PRKCH: variants seen among roughly 807,000 people sequenced by gnomAD.
The protein encoded by PRKCH is protein kinase C eta type.
PRKCH carries 28 observed loss-of-function variants against 82.5 expected under a neutral mutation model. That is an observed-to-expected ratio of 0.34 (90% confidence interval 0.25 to 0.47). The LOEUF (loss-of-function observed/expected upper bound fraction) is 0.47, where lower values mean the gene tolerates loss of function less well. Ranked by LOEUF, PRKCH falls within the 20% of genes least tolerant of loss-of-function variation. The pLI, the probability that PRKCH is intolerant of heterozygous loss-of-function variation, is 1.00. For missense variants in PRKCH, 705 were observed against 881.8 expected, an observed-to-expected ratio of 0.80 and a Z score of 2.54; for synonymous variants, 322 against 327.4, an observed-to-expected ratio of 0.98 and a Z score of 0.18.
rs564330059 is a variant in PRKCH, at chr14:61,295,324, T to G, written c.-19+107656T>G. Among the ~76,000 whole-genome samples, 14 of 152,326 alleles carry G rather than the reference T, an allele frequency of 9.2e-5. No homozygotes were observed. In the East Asian group the frequency reaches 2.7e-3, roughly 29 times the overall value. On this transcript the variant is annotated intron_variant, in intron 1 of 3. Coordinates refer to the PRKCH transcript ENST00000555185. ...AACTTCCAGGTCTGAAAGACTGGTT[T>G]CAGATTGCCATGTTGCACAGAATTA...
chr14:61,512,486 T>C (rs1887423321), intron 10 of PRKCH, among the ~76,000 whole-genome samples: 1 of 152,172 alleles, frequency 6.6e-6, no homozygotes, highest in African/African-American at 2.4e-5. Context: ...TTCCATATGA[T>C]GGGAATTGCA....
upstream of PRKCH, among the ~76,000 whole-genome samples, chr14:61,321,046 C>T (rs2045612631): frequency 6.6e-6 from 1 of 152,236 alleles, no homozygotes; most frequent in Non-Finnish European, 1.5e-5. The surrounding 1 kb of genome is among the most constrained non-coding windows in gnomAD (Gnocchi z 4.1). Flanking sequence ...CCTATTAAAA[C>T]ACACACATAC....
At chr14:61,409,107 G>T (rs1882119770) in intron 2 of PRKCH, among the ~76,000 whole-genome samples, 1 of 152,132 alleles carries the variant, frequency 6.6e-6, no homozygotes, top group Non-Finnish European at 1.5e-5. Context: ...CTGCTTGAGG[G>T]TCCAGCTAAT....
At chr14:61,359,185 C>T (rs1261993254) in intron 1 of PRKCH, among the ~76,000 whole-genome samples, 4 of 152,180 alleles carry the variant, frequency 2.6e-5, no homozygotes, top group Non-Finnish European at 5.9e-5. Flanking sequence ...AACCAGTAGA[C>T]CTCTGGATGA....
At chr14:61,479,013 A>C (rs1885850258) in intron 9 of PRKCH, among the ~76,000 whole-genome samples, 1 of 152,236 alleles carries the variant, frequency 6.6e-6, no homozygotes, top group South Asian at 2.1e-4. Flanking sequence ...CATGCAACCC[A>C]AGGGCAGGAG....
chr14:61,214,672 C>T (rs2044604892), intron 1 of PRKCH, among the ~76,000 whole-genome samples: 1 of 152,116 alleles, frequency 6.6e-6, no homozygotes, highest in South Asian at 2.1e-4. Flanking sequence ...CACCCTTCCC[C>T]ATCTGACCCC....
chr14:61,285,077 A>ATT (rs942110673), intron 1 of PRKCH, among the ~76,000 whole-genome samples: 1 of 152,160 alleles, frequency 6.6e-6, no homozygotes, highest in Non-Finnish European at 1.5e-5. Context: ...TCTTTTCTGC[A>ATT]TATAACCCTT....
intron 12 of PRKCH, among the ~76,000 whole-genome samples, chr14:61,538,451 C>T (rs2043141177): frequency 6.6e-6 from 1 of 152,220 alleles, no homozygotes; most frequent in African/African-American, 2.4e-5. Flanking sequence ...TATAATTTTA[C>T]TAAAGTTCTT....
chr14:61,213,767 G>A (rs986262315), intron 1 of PRKCH, among the ~76,000 whole-genome samples: 7 of 152,132 alleles, frequency 4.6e-5, no homozygotes, highest in African/African-American at 1.7e-4. Context: ...CTGGGTCTAT[G>A]GCAAATGAAT....
At chr14:61,325,746 A>C (rs1430463473) in intron 1 of PRKCH, among the ~76,000 whole-genome samples, 1 of 152,220 alleles carries the variant, frequency 6.6e-6, no homozygotes, top group Non-Finnish European at 1.5e-5. Flanking sequence ...AAGAACTCTA[A>C]CAGCACAATA....
chr14:61,264,466 G>T (rs2045078776), intron 1 of PRKCH, among the ~76,000 whole-genome samples: 1 of 152,196 alleles, frequency 6.6e-6, no homozygotes. Flanking sequence ...GCCACTTTCA[G>T]CAATTTCTCA....
intron 1 of PRKCH, among the ~76,000 whole-genome samples, chr14:61,297,459 C>G (rs2045414675): frequency 6.6e-6 from 1 of 152,150 alleles, no homozygotes; most frequent in Non-Finnish European, 1.5e-5. Flanking sequence ...TGCTGATTTT[C>G]TAAGAATGTT....
intron 2 of PRKCH, among the ~76,000 whole-genome samples, chr14:61,399,973 A>G (rs959769518): frequency 6.6e-6 from 1 of 152,218 alleles, no homozygotes; most frequent in African/African-American, 2.4e-5. Context: ...CTTGGAAAAG[A>G]TATACATTTG....
At chr14:61,482,322 G>T (rs968922904) in intron 9 of PRKCH, among the ~76,000 whole-genome samples, 2 of 152,160 alleles carry the variant, frequency 1.3e-5, no homozygotes, top group African/African-American at 4.8e-5. Flanking sequence ...AAACACTAGA[G>T]ATTTTTTGTC....
intron 1 of PRKCH, among the ~76,000 whole-genome samples, chr14:61,389,764 GA>G (rs1313198129): frequency 6.6e-6 from 1 of 152,028 alleles, no homozygotes; most frequent in African/African-American, 2.4e-5. Flanking sequence ...TTGGAAGAGT[GA>G]GGCTCAGTGT....
chr14:61,513,707 G>A (rs2042780626), intron 10 of PRKCH, among the ~76,000 whole-genome samples: 2 of 152,102 alleles, frequency 1.3e-5, no homozygotes, highest in South Asian at 4.1e-4. Context: ...ATATTGTCAT[G>A]TAGTATGACA....
In PRKCH at chr14:61,395,356, C is replaced by G. The variant is rs116165606; in HGVS notation, c.427+4068C>G. On this transcript the variant is annotated intron_variant, in intron 2 of 13. Coordinates refer to ENST00000332981, the MANE Select transcript of PRKCH (RefSeq NM_006255.5). ...TGGACCTGGCACTGAGAGCATGTCC[C>G]TAGCTTGACCTCGCTCCTGGAAGCC... 7.5e-3 allele frequency among the ~76,000 whole-genome samples: 1,082 copies of G among 145,122 alleles called. 15 individuals carry two copies. The highest frequency in any genetic ancestry group is 0.026 in the African/African-American group (1,025 of 40,162).
chr14:61,549,422 T>G (rs536720323), intron 13 of PRKCH, among the ~76,000 whole-genome samples: 1 of 152,238 alleles, frequency 6.6e-6, no homozygotes, highest in Non-Finnish European at 1.5e-5. Context: ...ACCAAATTAA[T>G]TCTTAGCCTC....
chr14:61,486,627 A>T (rs1332881705), intron 10 of PRKCH, among the ~76,000 whole-genome samples: 1 of 151,776 alleles, frequency 6.6e-6, no homozygotes, highest in Non-Finnish European at 1.5e-5. Context: ...TCCTCACCTA[A>T]TTGCACATAT....
Sources: allele counts gnomAD v4.1 joint callset (sites outside exome capture counted in the v4.1 genomes callset), GRCh38; gene constraint gnomAD v4.1.1; non-coding constraint Gnocchi (gnomAD v3.1); transcripts MANE v1.5; gene names NCBI Gene and HGNC (gene_info 2026-07-23, HGNC 2026-07-21).